IGF1R: variants seen among roughly 807,000 people sequenced by gnomAD.
IGF1R encodes insulin like growth factor 1 receptor.
In IGF1R, 44 loss-of-function variants were observed where a neutral mutation model predicts 144.6. The observed-to-expected ratio is 0.30, with a 90% confidence interval of 0.24 to 0.39. The LOEUF (loss-of-function observed/expected upper bound fraction) is 0.39, where lower values mean the gene tolerates loss of function less well. IGF1R is among the 10% of genes least tolerant of loss of function. The pLI is 1.00. For missense variants in IGF1R, 1,355 were observed against 1,833.7 expected, an observed-to-expected ratio of 0.74 and a Z score of 4.77; for synonymous variants, 795 against 722.8, an observed-to-expected ratio of 1.10 and a Z score of -1.60.
At chr15:98,855,389 C>G (rs2011752492) in intron 2 of IGF1R, among the ~76,000 whole-genome samples, 1 of 152,210 alleles carries the variant, frequency 6.6e-6, no homozygotes, top group African/African-American at 2.4e-5. Context: ...ATTAACTGTG[C>G]CTGGCCCTGA....
intron 2 of IGF1R, among the ~76,000 whole-genome samples, chr15:98,767,087 C>T (rs1049249536): frequency 1.3e-5 from 2 of 152,192 alleles, no homozygotes; most frequent in African/African-American, 4.8e-5. Context: ...AGGATTTCCA[C>T]ATGGTTCATT....
chr15:98,684,501 C>G (rs2053274226), intron 1 of IGF1R, among the ~76,000 whole-genome samples: 1 of 152,144 alleles, frequency 6.6e-6, no homozygotes, highest in African/African-American at 2.4e-5. Flanking sequence ...CAGGTTATAG[C>G]TAAACGTCAG....
chr15:98,728,019 T>TTTTG (rs1596240922), intron 2 of IGF1R, among the ~76,000 whole-genome samples: 1 of 150,688 alleles, frequency 6.6e-6, no homozygotes, highest in Admixed American at 6.6e-5. Flanking sequence ...TTTTTTTTTT[T>TTTTG]TTTTTTTTTT....
At chr15:98,829,794 C>T (rs1361952909) in intron 2 of IGF1R, among the ~76,000 whole-genome samples, 1 of 152,190 alleles carries the variant, frequency 6.6e-6, no homozygotes, top group African/African-American at 2.4e-5. Context: ...TGCCAGAGAC[C>T]AGGTCATCTC....
intron 3 of IGF1R, among the ~76,000 whole-genome samples, chr15:98,892,884 G>A (rs917732301): frequency 6.6e-6 from 1 of 152,116 alleles, no homozygotes; most frequent in Non-Finnish European, 1.5e-5. Context: ...TGGCTTGGTG[G>A]CACACACCTG....
chr15:98,900,255 A>G (rs918487043), intron 5 of IGF1R, among the ~76,000 whole-genome samples: 2 of 152,336 alleles, frequency 1.3e-5, no homozygotes, highest in Non-Finnish European at 1.5e-5. Flanking sequence ...TGCATGCACA[A>G]TTGCTTTCCA....
chr15:98,885,524 G>C (rs560365809), intron 2 of IGF1R, among the ~76,000 whole-genome samples: 1 of 151,618 alleles, frequency 6.6e-6, no homozygotes, highest in Non-Finnish European at 1.5e-5. Flanking sequence ...GCTCACTTTC[G>C]TGAAGTTAGG....
intron 13 of IGF1R, among the ~76,000 whole-genome samples, chr15:98,928,785 G>A (rs930090116): frequency 3.9e-5 from 6 of 152,038 alleles, no homozygotes; most frequent in African/African-American, 1.4e-4. Context: ...CATGTGCCTG[G>A]TGCCCAGCCT....
At chr15:98,873,574 A>AT (rs2012899676) in intron 2 of IGF1R, 1 of 152,244 alleles carries the variant, frequency 6.6e-6, no homozygotes, top group Admixed American at 6.5e-5. Flanking sequence ...GAATTTGAAA[A>AT]TATCGGATTG....
At chr15:98,815,851 A>C (rs578057765) in intron 2 of IGF1R, among the ~76,000 whole-genome samples, 18 of 152,006 alleles carry the variant, frequency 1.2e-4, no homozygotes, top group African/African-American at 4.4e-4. Context: ...CTTCTTTCTG[A>C]TGCTTTCTTG....
chr15:98,793,703 A>G (rs1238633619), intron 2 of IGF1R, among the ~76,000 whole-genome samples: 3 of 152,254 alleles, frequency 2.0e-5, no homozygotes, highest in Non-Finnish European at 4.4e-5. Context: ...TATGAAAGAA[A>G]TATCTTTTGC....
intron 20 of IGF1R, among the ~76,000 whole-genome samples, chr15:98,956,222 C>T (rs937118495): frequency 3.9e-5 from 6 of 152,252 alleles, no homozygotes; most frequent in African/African-American, 1.4e-4. Flanking sequence ...GAGGGCCTCA[C>T]AGGTATTTGC....
chr15:98,649,753 G>A (rs966867664), intron 1 of IGF1R, 78 bp downstream of exon 1: 11 of 1,109,992 alleles, frequency 9.9e-6, no homozygotes, highest in Non-Finnish European at 1.4e-5. Flanking sequence ...CGAAACCCGA[G>A]TTGCCACCGT....
chr15:98,745,997 T>G (rs1054735280), intron 2 of IGF1R, among the ~76,000 whole-genome samples: 1 of 152,226 alleles, frequency 6.6e-6, no homozygotes, highest in African/African-American at 2.4e-5. Context: ...GGAGACTGGT[T>G]AATACACTAA....
chr15:98,693,074 C>T (rs2053515457), intron 1 of IGF1R, among the ~76,000 whole-genome samples: 1 of 152,142 alleles, frequency 6.6e-6, no homozygotes, highest in Admixed American at 6.5e-5. Flanking sequence ...TCTGTGGTTC[C>T]CTAACCCAGG....
intron 1 of IGF1R, among the ~76,000 whole-genome samples, chr15:98,655,061 G>T (rs1375746885): frequency 1.3e-5 from 2 of 152,148 alleles, no homozygotes; most frequent in Non-Finnish European, 2.9e-5. Context: ...TATTTGAAAA[G>T]ATTAAAACTT....
chr15:98,950,241 C>T (rs1390850000), intron 20 of IGF1R, among the ~76,000 whole-genome samples: 2 of 152,308 alleles, frequency 1.3e-5, no homozygotes, highest in Middle Eastern at 3.4e-3. Flanking sequence ...CCCACAGTGG[C>T]GGGATAATAG....
At chr15:98,909,980 G>GA (rs1445003025) in intron 6 of IGF1R, among the ~76,000 whole-genome samples, 1 of 152,108 alleles carries the variant, frequency 6.6e-6, no homozygotes, top group Non-Finnish European at 1.5e-5. Flanking sequence ...AAGGGTATTA[G>GA]AAAAAAAGTA....
chr15:98,756,389 C>A (rs117271669), intron 2 of IGF1R, among the ~76,000 whole-genome samples: 1 of 151,640 alleles, frequency 6.6e-6, no homozygotes, highest in Non-Finnish European at 1.5e-5. Context: ...AGCTTTTAAG[C>A]CTTTTCTCTG....
Sources: allele counts gnomAD v4.1 joint callset (sites outside exome capture counted in the v4.1 genomes callset), GRCh38; gene constraint gnomAD v4.1.1; transcripts MANE v1.5; gene names NCBI Gene and HGNC (gene_info 2026-07-23, HGNC 2026-07-21).